Variants in HNF4A observed in about 807,000 individuals in gnomAD.
HNF4A encodes hepatocyte nuclear factor 4-alpha.
HNF4A carries 15 observed loss-of-function variants against 52.4 expected under a neutral mutation model. That is an observed-to-expected ratio of 0.29 (90% CI 0.19 to 0.44). HNF4A has a LOEUF of 0.44. Among genes scored for constraint, HNF4A ranks in the 20% least tolerant of loss-of-function variants. HNF4A has a pLI of 1.00. For missense variants in HNF4A, 479 were observed against 647.2 expected (o/e 0.74, Z 2.82); for synonymous variants, 280 against 264.4 (o/e 1.06, Z -0.57).
At chr20:44,368,607 C>G (rs948845864) in intron 1 of HNF4A, among the ~76,000 whole-genome samples, 6 of 152,020 alleles carry the variant, frequency 3.9e-5, no homozygotes, top group African/African-American at 1.4e-4. Context: ...CTCTGCTGCT[C>G]AAGGGGATAG....
chr20:44,397,839 C>G (rs2063367360), upstream of HNF4A, among the ~76,000 whole-genome samples: 1 of 152,082 alleles, frequency 6.6e-6, no homozygotes, highest in Non-Finnish European at 1.5e-5. Flanking sequence ...GTTGGCCAGG[C>G]TGGTCTTGAA....
chr20:44,389,653 A>G (rs532407638), intron 1 of HNF4A: 7 of 152,218 alleles, frequency 4.6e-5, no homozygotes, highest in Non-Finnish European at 1.5e-5. Context: ...TCACTCAGTT[A>G]TTCATCCAGC....
intron 5 of HNF4A, 136 bp downstream of exon 5, chr20:44,414,798 T>A: frequency 1.2e-6 from 1 of 812,140 alleles, no homozygotes; most frequent in Non-Finnish European, 2.0e-6. Context: ...CACACACGTG[T>A]CTGAAACTTT....
intron 1 of HNF4A, among the ~76,000 whole-genome samples, chr20:44,378,271 ATTT>A (rs71195543): frequency 1.4e-5 from 2 of 138,530 alleles, no homozygotes; most frequent in Admixed American, 7.2e-5. Flanking sequence ...TTATGCATGT[ATTT>A]TTTTTTTTTT....
chr20:44,417,358 C>T (rs1469038944), intron 5 of HNF4A, among the ~76,000 whole-genome samples: 6 of 152,160 alleles, frequency 3.9e-5, no homozygotes, highest in African/African-American at 1.4e-4. Flanking sequence ...GGGCCCCTAC[C>T]TATGACTCCA....
intron 5 of HNF4A, among the ~76,000 whole-genome samples, chr20:44,415,572 G>A (rs1226750696): frequency 6.6e-6 from 1 of 152,216 alleles, no homozygotes; most frequent in Non-Finnish European, 1.5e-5. Flanking sequence ...CACCTTCTCA[G>A]CTTCGGAGAC....
chr20:44,422,733 G>A (rs992312854), intron 7 of HNF4A, among the ~76,000 whole-genome samples: 1 of 150,724 alleles, frequency 6.6e-6, no homozygotes, highest in East Asian at 2.0e-4. Context: ...AGGCTGGAGT[G>A]CAGTGGCACC....
intron 1 of HNF4A, among the ~76,000 whole-genome samples, chr20:44,389,054 C>G (rs1388092912): frequency 6.6e-6 from 1 of 152,330 alleles, no homozygotes; most frequent in Middle Eastern, 3.4e-3. Flanking sequence ...GCCCCTTGCC[C>G]TCCTCAGAGT....
At chr20:44,416,258 G>A (rs1194900413) in intron 5 of HNF4A, among the ~76,000 whole-genome samples, 1 of 152,224 alleles carries the variant, frequency 6.6e-6, no homozygotes, top group Non-Finnish European at 1.5e-5. Context: ...GCATCCCTGG[G>A]AAAGTCGGGG....
chr20:44,355,704 C>T (rs767432008), exon 1 of HNF4A: 10 of 1,039,796 alleles, frequency 9.6e-6, no homozygotes, highest in Non-Finnish European at 1.4e-5. Context: ...TGGCCGCACT[C>T]ACCGCCTTCC....
At chr20:44,355,729 C>T in exon 1 of HNF4A, 1 of 1,362,224 alleles carries the variant, frequency 7.3e-7, no homozygotes, top group South Asian at 1.2e-5. Flanking sequence ...GGACGGGCTC[C>T]TGGTGGCTGT....
At chr20:44,383,181 T>G (rs2063176790) in intron 1 of HNF4A, among the ~76,000 whole-genome samples, 1 of 151,994 alleles carries the variant, frequency 6.6e-6, no homozygotes, top group Non-Finnish European at 1.5e-5. Context: ...AAACAAACAA[T>G]AATTCACCAA....
intron 1 of HNF4A, among the ~76,000 whole-genome samples, chr20:44,378,191 T>A (rs1419716748): frequency 6.6e-6 from 1 of 152,120 alleles, no homozygotes; most frequent in Non-Finnish European, 1.5e-5. Flanking sequence ...CCTTTGACCA[T>A]TTATCTATTG....
intron 1 of HNF4A, among the ~76,000 whole-genome samples, chr20:44,358,247 A>AG (rs2062879333): frequency 8.1e-6 from 1 of 122,768 alleles, no homozygotes. Context: ...GGAAGGCTCC[A>AG]GAAAAAAAAA....
intron 3 of HNF4A, among the ~76,000 whole-genome samples, chr20:44,412,759 G>T (rs1018677746): frequency 6.6e-6 from 1 of 152,112 alleles, no homozygotes; most frequent in African/African-American, 2.4e-5. Context: ...CAGCACTGGG[G>T]TGTGAGGGGA....
chr20:44,383,273 C>G (rs2063177921), intron 1 of HNF4A, among the ~76,000 whole-genome samples: 1 of 152,136 alleles, frequency 6.6e-6, no homozygotes, highest in African/African-American at 2.4e-5. Flanking sequence ...CACTTCTAAG[C>G]CCTTTTTATA....
At chr20:44,390,653 G>A (rs1376048190) in intron 1 of HNF4A, 3 of 702,542 alleles carry the variant, frequency 4.3e-6, no homozygotes, top group Non-Finnish European at 5.2e-6. Context: ...TCGGACTGGG[G>A]CCAGGGCTTC....
intron 7 of HNF4A, among the ~76,000 whole-genome samples, chr20:44,423,182 G>A (rs1042888091): frequency 2.0e-5 from 3 of 152,076 alleles, no homozygotes; most frequent in Non-Finnish European, 2.9e-5. Context: ...TGGGTGTGGT[G>A]GTGTGTGCCT....
chr20:44,418,326 G>T, intron 5 of HNF4A, 99 bp from the exon 6 acceptor site: 1 of 889,856 alleles, frequency 1.1e-6, no homozygotes. Context: ...GGTAGAGGCA[G>T]AGGGGAGCAT....
Sources: gnomAD v4.1 joint callset for allele counts (sites outside exome capture counted in the v4.1 genomes callset) on GRCh38, gnomAD v4.1.1 for gene constraint, MANE v1.5 for transcripts, NCBI Gene and HGNC (gene_info 2026-07-23, HGNC 2026-07-21) for gene names.